EXOC4: variants seen among roughly 807,000 people sequenced by gnomAD.
The protein encoded by EXOC4 is exocyst complex component 4.
Under a neutral mutation model 107.2 loss-of-function variants are expected in EXOC4, and 71 were observed. The ratio of observed to expected loss-of-function variants is 0.66; its 90% CI spans 0.55 to 0.81. The LOEUF is 0.81. EXOC4 is among the 30% of genes least tolerant of loss of function. The pLI is 0.00. For missense variants in EXOC4, 1,108 were observed against 1,189.6 expected, an observed-to-expected ratio of 0.93 and a Z score of 1.01; for synonymous variants, 456 against 441.2, an observed-to-expected ratio of 1.03 and a Z score of -0.42.
At chr7:133,562,723 C>T (rs1215963493) in intron 9 of EXOC4, among the ~76,000 whole-genome samples, 4 of 152,110 alleles carry the variant, frequency 2.6e-5, no homozygotes, top group Non-Finnish European at 5.9e-5. Flanking sequence ...AACGATACAA[C>T]GAATACATTA....
chr7:133,255,456 T>A (rs1404040373), intron 1 of EXOC4, among the ~76,000 whole-genome samples: 6 of 152,202 alleles, frequency 3.9e-5, no homozygotes, highest in Non-Finnish European at 8.8e-5. Context: ...ATTACAGGCA[T>A]GAACCACCGT....
chr7:133,900,544 A>C (rs1799427860), intron 12 of EXOC4, among the ~76,000 whole-genome samples: 1 of 152,288 alleles, frequency 6.6e-6, no homozygotes, highest in South Asian at 2.1e-4. Context: ...GGAGCCACTG[A>C]GTGGGTGTTA....
At chr7:133,541,686 G>T (rs988742703) in intron 9 of EXOC4, among the ~76,000 whole-genome samples, 1 of 150,498 alleles carries the variant, frequency 6.6e-6, no homozygotes. Flanking sequence ...TTTTTTTTTT[G>T]TAGACATGGG....
intron 9 of EXOC4, among the ~76,000 whole-genome samples, chr7:133,495,553 C>G (rs1041883966): frequency 2.6e-5 from 4 of 152,128 alleles, no homozygotes; most frequent in Non-Finnish European, 5.9e-5. Flanking sequence ...CTAACTCTAT[C>G]TCTTAGTTTT....
chr7:134,016,017 G>C (rs886192565), intron 17 of EXOC4, among the ~76,000 whole-genome samples: 6 of 152,062 alleles, frequency 3.9e-5, no homozygotes, highest in Admixed American at 3.9e-4. Context: ...TGAATAGTGA[G>C]GGTAAAGTGA....
At chr7:133,421,566 TG>T (rs1237956178) in intron 7 of EXOC4, among the ~76,000 whole-genome samples, 1 of 152,208 alleles carries the variant, frequency 6.6e-6, no homozygotes, top group Admixed American at 6.5e-5. Context: ...GGCCCACTGC[TG>T]GGGGCCTGTC....
At chr7:133,344,873 G>A (rs1393783680) in intron 5 of EXOC4, among the ~76,000 whole-genome samples, 1 of 151,644 alleles carries the variant, frequency 6.6e-6, no homozygotes, top group African/African-American at 2.4e-5. Context: ...CCTTCTGGCA[G>A]ATCAGGGACA....
At chr7:133,332,586 T>G (rs1795419268) in intron 5 of EXOC4, among the ~76,000 whole-genome samples, 1 of 152,194 alleles carries the variant, frequency 6.6e-6, no homozygotes, top group South Asian at 2.1e-4. Flanking sequence ...CTACCAATTT[T>G]GTTGCATTAT....
intron 14 of EXOC4, among the ~76,000 whole-genome samples, chr7:133,946,783 G>A (rs952301371): frequency 2.6e-5 from 4 of 152,184 alleles, no homozygotes; most frequent in Non-Finnish European, 5.9e-5. Flanking sequence ...ACCCCAGTGG[G>A]GTTCCCCGTG....
At chr7:133,701,169 A>C (rs1378059534) in intron 10 of EXOC4, among the ~76,000 whole-genome samples, 1 of 152,220 alleles carries the variant, frequency 6.6e-6, no homozygotes, top group Non-Finnish European at 1.5e-5. Flanking sequence ...TTATCCATAG[A>C]TAATTAAAAG....
chr7:134,037,293 G>C (rs930489060), intron 17 of EXOC4, among the ~76,000 whole-genome samples: 5 of 152,018 alleles, frequency 3.3e-5, no homozygotes, highest in Non-Finnish European at 5.9e-5. Flanking sequence ...CATTGAAGGG[G>C]ATTTCAGTGG....
At chr7:133,885,111 C>T (rs905389676) in intron 11 of EXOC4, among the ~76,000 whole-genome samples, 1 of 151,874 alleles carries the variant, frequency 6.6e-6, no homozygotes, top group Admixed American at 6.6e-5. Flanking sequence ...GTCAGGAGAT[C>T]GAGACCAGCC....
the EXOC4 span, among the ~76,000 whole-genome samples, chr7:134,097,553 T>A: frequency 6.6e-6 from 1 of 152,160 alleles, no homozygotes; most frequent in Non-Finnish European, 1.5e-5. Context: ...TGGTTCACGC[T>A]AATGGAAAAT....
intron 6 of EXOC4, among the ~76,000 whole-genome samples, chr7:133,363,880 A>T (rs1052959227): frequency 6.6e-6 from 1 of 152,170 alleles, no homozygotes; most frequent in Non-Finnish European, 1.5e-5. Context: ...GGATCTTTTC[A>T]TTGCAAAAAT....
intron 10 of EXOC4, among the ~76,000 whole-genome samples, chr7:133,744,005 C>G (rs1795623787): frequency 6.6e-6 from 1 of 152,066 alleles, no homozygotes; most frequent in Non-Finnish European, 1.5e-5. Flanking sequence ...CATTTACAGT[C>G]TTCATTTGCA....
At chr7:133,450,486 T>C (rs1046569050) in intron 7 of EXOC4, among the ~76,000 whole-genome samples, 5 of 152,146 alleles carry the variant, frequency 3.3e-5, no homozygotes, top group African/African-American at 9.7e-5. Context: ...AATGTATCTT[T>C]TCCTCACTTT....
At chr7:133,982,324 G>A (rs934353315) in intron 14 of EXOC4, among the ~76,000 whole-genome samples, 5 of 152,128 alleles carry the variant, frequency 3.3e-5, no homozygotes, top group South Asian at 2.1e-4. Flanking sequence ...AGGCCGAGGC[G>A]GGCAGATCAC....
the EXOC4 span, among the ~76,000 whole-genome samples, chr7:134,090,615 G>A: frequency 2.6e-5 from 4 of 152,140 alleles, no homozygotes; most frequent in African/African-American, 9.7e-5. Context: ...AAGGCGAAGA[G>A]CTCAGCGAGA....
intron 5 of EXOC4, among the ~76,000 whole-genome samples, chr7:133,347,446 G>A (rs1014026767): frequency 6.6e-5 from 10 of 151,938 alleles, no homozygotes; most frequent in African/African-American, 1.5e-4. Flanking sequence ...GTTTCACCAT[G>A]TTGGCCAGGA....
Sources: allele counts gnomAD v4.1 joint callset (sites outside exome capture counted in the v4.1 genomes callset), GRCh38; gene constraint gnomAD v4.1.1; transcripts MANE v1.5; gene names NCBI Gene and HGNC (gene_info 2026-07-23, HGNC 2026-07-21).